Variants in ADAM10 observed in about 807,000 individuals in gnomAD.
The protein encoded by ADAM10 is disintegrin and metalloproteinase domain-containing protein 10.
Under a neutral mutation model 90.1 loss-of-function variants are expected in ADAM10, and 17 were observed. That is an observed-to-expected ratio of 0.19 (90% CI 0.13 to 0.28). The LOEUF (loss-of-function observed/expected upper bound fraction) is 0.28. ADAM10 is among the 10% of genes least tolerant of loss of function. The pLI is 1.00. For missense variants in ADAM10, 610 were observed against 914.3 expected (o/e 0.67, Z 4.29); for synonymous variants, 310 against 298.6 (o/e 1.04, Z -0.40).
intron 1 of ADAM10, among the ~76,000 whole-genome samples, chr15:58,735,685 T>C (rs1044460354): frequency 6.6e-6 from 1 of 152,224 alleles, no homozygotes; most frequent in African/African-American, 2.4e-5. Flanking sequence ...TTTGAATTTT[T>C]TCATTCGTGG....
intron 2 of ADAM10, among the ~76,000 whole-genome samples, chr15:58,705,913 T>C (rs1220459136): frequency 1.3e-5 from 2 of 152,212 alleles, no homozygotes; most frequent in Non-Finnish European, 2.9e-5. Context: ...TGTTAATCCC[T>C]TACTGTACCT....
At chr15:58,665,008 G>T in intron 5 of ADAM10, 89 bp downstream of exon 5, 2 of 1,087,488 alleles carry the variant, frequency 1.8e-6, no homozygotes, top group Non-Finnish European at 2.8e-6. Context: ...AAGTCTTTCA[G>T]AAATCCTAGA....
intron 6 of ADAM10, 50 bp from the exon 7 acceptor site, chr15:58,644,028 AAG>A (rs1458532685): frequency 7.3e-7 from 1 of 1,370,690 alleles, no homozygotes; most frequent in East Asian, 2.3e-5. Context: ...AAATATGAAA[AAG>A]ATTATAAATT....
At chr15:58,670,846 A>C (rs1359378385) in intron 4 of ADAM10, among the ~76,000 whole-genome samples, 2 of 152,304 alleles carry the variant, frequency 1.3e-5, no homozygotes, top group African/African-American at 4.8e-5. Context: ...ATGATCAATC[A>C]AGATATTTCC....
chr15:58,704,660 T>C (rs1388865191), intron 2 of ADAM10, among the ~76,000 whole-genome samples: 1 of 152,212 alleles, frequency 6.6e-6, no homozygotes, highest in African/African-American at 2.4e-5. Flanking sequence ...GGGATTTGGT[T>C]GGGAAGATGG....
chr15:58,639,821 ACAAAT>A (rs1896367896), intron 8 of ADAM10, among the ~76,000 whole-genome samples: 1 of 152,172 alleles, frequency 6.6e-6, no homozygotes, highest in Admixed American at 6.5e-5. Context: ...AATATACAAA[ACAAAT>A]CAAAGAATAA....
chr15:58,598,989 A>T (rs28573205), intron 15 of ADAM10, among the ~76,000 whole-genome samples: 26,646 of 152,110 alleles, frequency 0.18, 2,678 homozygotes, highest in East Asian at 0.42. Flanking sequence ...GGGGGAAAAT[A>T]AGCTTATGTG....
At chr15:58,663,926 T>C (rs1897023301) in intron 5 of ADAM10, among the ~76,000 whole-genome samples, 1 of 152,102 alleles carries the variant, frequency 6.6e-6, no homozygotes. Flanking sequence ...AATTCTATCA[T>C]ATCTAACAGT....
At chr15:58,729,958 T>TAA (rs776357246) in intron 1 of ADAM10, among the ~76,000 whole-genome samples, 115 of 118,482 alleles carry the variant, frequency 9.7e-4, no homozygotes, top group Middle Eastern at 4.2e-3. Context: ...CGAGGCTCTG[T>TAA]AAAAAAAAAC....
intron 2 of ADAM10, chr15:58,692,285 G>T (rs1257366846): frequency 1.6e-6 from 1 of 607,404 alleles, no homozygotes; most frequent in East Asian, 4.0e-5. Flanking sequence ...GCACTGGTGA[G>T]GCTCTTGTAG....
chr15:58,602,867 G>C (rs1425788815), intron 14 of ADAM10, among the ~76,000 whole-genome samples: 1 of 152,108 alleles, frequency 6.6e-6, no homozygotes, highest in Non-Finnish European at 1.5e-5. Context: ...TTACATGGAA[G>C]GTAAGGTGGA....
intron 11 of ADAM10, among the ~76,000 whole-genome samples, chr15:58,614,082 T>C (rs1316755505): frequency 6.6e-6 from 1 of 152,054 alleles, no homozygotes; most frequent in South Asian, 2.1e-4. Flanking sequence ...CCAAAGCAGG[T>C]GGATCACTTG....
chr15:58,595,862 T>C lies in ADAM10; in HGVS notation c.*1685A>G, dbSNP rs1172021359. 3 of 152,144 alleles carry C rather than the reference T, an allele frequency of 2.0e-5. No individual in the cohort carries two copies. Among genetic ancestry groups the C allele is most frequent in the Non-Finnish European group, 2.9e-5 (2 of 67,994 alleles). 9.4% of individuals were successfully genotyped at this position (152,144 alleles called of 1,614,324 possible). On this transcript the variant is annotated 3_prime_UTR_variant, in exon 16 of 16. Transcript: ENST00000260408. ...AGGCATTTAAATGATTTAAAAGCAA[T>C]TACATACATATCTACCTACTTGTTT...
At chr15:58,628,239 C>T (rs1172141740) in intron 9 of ADAM10, among the ~76,000 whole-genome samples, 2 of 152,096 alleles carry the variant, frequency 1.3e-5, no homozygotes, top group Non-Finnish European at 2.9e-5. Flanking sequence ...TAGTCTCTAA[C>T]ACATATGTTA....
chr15:58,713,696 TAGTA>T (rs1229884612), intron 2 of ADAM10, among the ~76,000 whole-genome samples: 13 of 152,348 alleles, frequency 8.5e-5, no homozygotes, highest in Admixed American at 5.2e-4. Context: ...TTTAATCTTC[TAGTA>T]AGTATTACTG....
chr15:58,746,388 G>A (rs575800254), intron 1 of ADAM10, among the ~76,000 whole-genome samples: 21 of 152,160 alleles, frequency 1.4e-4, no homozygotes, highest in Non-Finnish European at 2.4e-4. Flanking sequence ...CATCAGAGAA[G>A]TGCCTGCCAT....
rs1229401226 is a variant in ADAM10, at chr15:58,593,244, A to C, written c.*4303T>G. 7.7e-6 allele frequency: 1 copy of C among 129,692 alleles called. No homozygotes were observed. The highest frequency in any genetic ancestry group is 2.9e-5 in the African/African-American group (1 of 33,936). 8.0% of individuals were successfully genotyped at this position (129,692 alleles called of 1,614,324 possible). On this transcript the variant is annotated 3_prime_UTR_variant, in exon 16 of 16. Transcript: ENST00000260408. Reference sequence around the variant, plus strand: ...ACCCAGGCTGGAGTGCAATGGCGCAATCGCGGCTCACTGCAGCCTCTGCCT... The same window carrying C: ...ACCCAGGCTGGAGTGCAATGGCGCACTCGCGGCTCACTGCAGCCTCTGCCT...
chr15:58,601,661 G>A (rs543038103), intron 14 of ADAM10, among the ~76,000 whole-genome samples: 1 of 152,158 alleles, frequency 6.6e-6, no homozygotes, highest in East Asian at 1.9e-4. Context: ...TTAATCCTCA[G>A]ACCCCATTCA....
intron 4 of ADAM10, among the ~76,000 whole-genome samples, chr15:58,678,424 T>C (rs1897344174): frequency 1.3e-5 from 2 of 152,124 alleles, no homozygotes; most frequent in African/African-American, 4.8e-5. Flanking sequence ...ATTGAGAGAC[T>C]AGTCTAATTA....
Sources: allele counts gnomAD v4.1 joint callset (sites outside exome capture counted in the v4.1 genomes callset), GRCh38; gene constraint gnomAD v4.1.1; transcripts MANE v1.5; gene names NCBI Gene and HGNC (gene_info 2026-07-23, HGNC 2026-07-21).